PEX11G: variants seen among roughly 807,000 people sequenced by gnomAD.
The protein encoded by PEX11G is peroxisomal membrane protein 11C.
PEX11G carries 20 observed loss-of-function variants against 22.5 expected under a neutral mutation model. The ratio of observed to expected loss-of-function variants is 0.89; its 90% CI spans 0.62 to 1.29. The LOEUF is 1.29. PEX11G is among the 50% of genes most tolerant of loss of function. The pLI is 0.00. For synonymous variants in PEX11G, 141 were observed against 154.5 expected, an observed-to-expected ratio of 0.91 and a Z score of 0.65; for missense variants, 347 against 331.3, an observed-to-expected ratio of 1.05 and a Z score of -0.37.
chr19:7,485,029 C>T (rs1331884478), intron 2 of PEX11G, among the ~76,000 whole-genome samples: 1 of 152,154 alleles, frequency 6.6e-6, no homozygotes, highest in African/African-American at 2.4e-5. Context: ...TGGTGGCTCA[C>T]GCCTGCCATC....
upstream of PEX11G, among the ~76,000 whole-genome samples, chr19:7,493,979 C>T (rs1442721884): frequency 1.3e-5 from 2 of 151,354 alleles, no homozygotes; most frequent in East Asian, 1.9e-4. Flanking sequence ...ATGATCTTAG[C>T]TCACTGCAAC....
chr19:7,478,164 G>T, intron 4 of PEX11G, 150 bp downstream of exon 4: 1 of 787,470 alleles, frequency 1.3e-6, no homozygotes, highest in Non-Finnish European at 2.0e-6. Flanking sequence ...TCTGTAAAAG[G>T]TACCGCCACC....
chr19:7,485,013 C>T (rs765242935), intron 2 of PEX11G, among the ~76,000 whole-genome samples: 24 of 152,150 alleles, frequency 1.6e-4, no homozygotes, highest in Non-Finnish European at 2.5e-4. Flanking sequence ...GACTATAAAA[C>T]GCCCATGGTG....
chr19:7,485,380 G>A (rs1599219404), intron 2 of PEX11G, among the ~76,000 whole-genome samples: 1 of 151,316 alleles, frequency 6.6e-6, no homozygotes. Context: ...TTTTTAGACG[G>A]AGTCTCGCTC....
chr19:7,481,997 G>T, intron 3 of PEX11G, 36 bp downstream of exon 3: 1 of 1,521,750 alleles, frequency 6.6e-7, no homozygotes, highest in East Asian at 2.4e-5. Context: ...ACCGCCCAGG[G>T]ACCTTGGGTG....
rs541405394 is a variant in PEX11G, at chr19:7,479,476, T to A, written c.429-1100A>T. On this transcript the variant is annotated intron_variant, in intron 3 of 4. Transcript: ENST00000221480. ...TCCAGCCTGGGCGACAGAGGAAGAC[T>A]GTGTCTCAAGAAAAGAATCAGAAGC... Among the ~76,000 whole-genome samples, 3 of 152,264 alleles carry A rather than the reference T, an allele frequency of 2.0e-5. No individual in the cohort carries two copies. The South Asian group carries it at 6.2e-4, about 31-fold the overall frequency.
chr19:7,478,317 G>T lies in PEX11G; in HGVS notation c.488C>A (p.Thr163Asn). 1.2e-6 allele frequency: 2 copies of T among 1,610,992 alleles called. No individual in the cohort carries two copies. Among genetic ancestry groups the T allele is most frequent in the Non-Finnish European group, 1.7e-6 (2 of 1,179,524 alleles). ...CTGGGTGATCACGGGCTCCTACCTG[G>T]TGAAGGGCGCCGTGGGGCTCCGCAG... The part of the protein sequence containing the change: ...QRLRSPTAPF[T>N]SPLPRGKRRA... The change falls in exon 4 of 5, where the codon ACC becomes AAC. Residue 163 changes from threonine (T) to asparagine (N), a missense_variant. Thr to Asn is a moderately conservative substitution (Grantham distance 65). Transcript: ENST00000221480.
At chr19:7,484,081 C>T (rs532991857) in intron 2 of PEX11G, among the ~76,000 whole-genome samples, 93 of 152,304 alleles carry the variant, frequency 6.1e-4, no homozygotes, top group African/African-American at 2.1e-3. Context: ...TGTGGCCAGG[C>T]GCGGTGGCTC....
At chr19:7,482,376 C>T (rs987364533) in intron 2 of PEX11G, among the ~76,000 whole-genome samples, 165 bp from the exon 3 acceptor site, 3 of 152,222 alleles carry the variant, frequency 2.0e-5, no homozygotes, top group Admixed American at 6.5e-5. Flanking sequence ...CTGGGGTCCC[C>T]GCACAGGCCT....
rs778216405 is a variant in PEX11G, at chr19:7,482,349, G to A, written c.250-138C>T. The stretch of plus-strand genomic sequence containing the variant: ...GTGTCCAGGCCTGGCAGGCCCCGCG[G>A]GAGAAAGGCTCTGGGGCTGGGGTCC... On this transcript the variant is annotated intron_variant, in intron 2 of 4. Transcript: ENST00000221480. 322 of 1,015,454 alleles carry A rather than the reference G, an allele frequency of 3.2e-4. 2 individuals are homozygous for A. The highest frequency in any genetic ancestry group is 2.8e-3 in the Middle Eastern group (10 of 3,562). The allele number at this position is 1,015,454 out of a possible 1,614,324, so 62.9% of individuals were successfully genotyped here.
Position 7,477,296 on chromosome 19 carries a change from G to A in PEX11G, c.632C>T (p.Pro211Leu), listed in dbSNP as rs756116571. ...GGTGCCCATGAGGCCCACTAGCCAC[G>A]GCGGGAAGCGGCCGGCCCACAGCAC... ...RGVLWAGRFP[P>L]WLVGLMGTIS... Residue 211 changes from proline to leucine, a missense_variant, in exon 5 of 5, where the codon CCG (proline) becomes CTG (leucine). Physicochemically the swap from Pro to Leu is moderately conservative, Grantham distance 98. Coordinates refer to ENST00000221480, the MANE Select transcript of PEX11G (RefSeq NM_080662.4). 1.5e-5 allele frequency: 24 copies of A among 1,571,958 alleles called. No homozygotes were observed. The highest frequency in any genetic ancestry group is 8.1e-5 in the South Asian group (7 of 86,020).
intron 3 of PEX11G, 129 bp from the exon 4 acceptor site, chr19:7,478,505 C>T: frequency 2.2e-6 from 2 of 916,634 alleles, no homozygotes; most frequent in East Asian, 2.6e-5. Context: ...CCTCTCCCTG[C>T]CCCCACAGTC....
Position 7,489,019 on chromosome 19 carries a change from C to A in PEX11G, c.-9G>T. ...CCGCTCAGCGACGCCATGGCAACTC[C>A]GTGACGTCACCGCGACGTCGGCGCG... is the stretch of plus-strand genomic sequence containing the variant. On this transcript the variant is annotated 5_prime_UTR_variant, in exon 1 of 5. Coordinates refer to ENST00000221480, the MANE Select transcript of PEX11G (RefSeq NM_080662.4). 6.6e-7 allele frequency: 1 copy of A among 1,516,178 alleles called. No individual in the cohort carries two copies. The highest frequency in any genetic ancestry group is 2.7e-5 in the East Asian group (1 of 37,290). The allele number at this position is 1,516,178 out of a possible 1,614,324, so 93.9% of individuals were successfully genotyped here. A position where few individuals can be genotyped will look rare whatever the true frequency, so the allele number is the denominator to read the frequency against.
chr19:7,482,224 G>T lies in PEX11G; in HGVS notation c.250-13C>A, dbSNP rs1365035673. ...AGGCGTCCTCCTCCTGCAGGACCAG[G>T]AGCAGAGGGGGCCTAGGGTCAGACT... On this transcript the variant is annotated splice_polypyrimidine_tract_variant and intron_variant, in intron 2 of 4. Transcript: ENST00000221480. 3 of 1,550,282 alleles carry T rather than the reference G, an allele frequency of 1.9e-6. No individual in the cohort carries two copies. The highest frequency in any genetic ancestry group is 1.4e-5 in the African/African-American group (1 of 73,192).
intron 3 of PEX11G, among the ~76,000 whole-genome samples, chr19:7,479,256 G>T (rs184777290): frequency 6.6e-6 from 1 of 152,144 alleles, no homozygotes; most frequent in African/African-American, 2.4e-5. Context: ...GGCCAAGGCC[G>T]GTGGATCACC....
upstream of PEX11G, among the ~76,000 whole-genome samples, chr19:7,491,950 G>A (rs185333609): frequency 2.6e-5 from 4 of 152,186 alleles, no homozygotes; most frequent in East Asian, 1.9e-4. Context: ...GAGCCACTGC[G>A]TGCAGCTGAG....
At chr19:7,482,528 G>A (rs760098898) in intron 2 of PEX11G, among the ~76,000 whole-genome samples, 1 of 152,246 alleles carries the variant, frequency 6.6e-6, no homozygotes, top group Non-Finnish European at 1.5e-5. Context: ...CTCAGCCTGG[G>A]GCAGGCCCCA....
In PEX11G at chr19:7,482,119, A is replaced by G. The variant is rs368749842; in HGVS notation, c.342T>C (p.Asp114=). ...AAGAGTCCACGTGGAGGACCCGGGC[A>G]TCAGCCGCCCAGGCCACGTGCTCAC... The part of the protein sequence containing the change: ...YPCEHVAWAA[D]ARVLHVDSSR... The change falls in exon 3 of 5, where the codon GAT becomes GAC. Residue 114 remains aspartate (D), a synonymous_variant. Transcript: ENST00000221480. 14 of 1,599,852 alleles carry G rather than the reference A, an allele frequency of 8.8e-6. No individual in the cohort carries two copies. The highest frequency in any genetic ancestry group is 1.2e-5 in the Non-Finnish European group (14 of 1,174,078).
intron 1 of PEX11G, among the ~76,000 whole-genome samples, 164 bp from the exon 2 acceptor site, chr19:7,486,190 G>T (rs965123805): frequency 6.6e-6 from 1 of 152,014 alleles, no homozygotes; most frequent in East Asian, 1.9e-4. Flanking sequence ...GCAGTGGCAC[G>T]ATCTCGGCTC....
Sources: gnomAD v4.1 joint callset for allele counts (sites outside exome capture counted in the v4.1 genomes callset) on GRCh38, gnomAD v4.1.1 for gene constraint, MANE v1.5 for transcripts, NCBI Gene and HGNC (gene_info 2026-07-23, HGNC 2026-07-21) for gene names.